Variants in CTNNA3 observed in about 807,000 individuals in gnomAD.
CTNNA3 encodes the protein catenin alpha 3.
Under a neutral mutation model 95.7 loss-of-function variants are expected in CTNNA3, and 76 were observed. That is an observed-to-expected ratio of 0.79 (90% CI 0.66 to 0.96). CTNNA3 has a LOEUF of 0.96. CTNNA3 is among the 40% of genes least tolerant of loss of function. The probability of loss-of-function intolerance (pLI) is 0.00; values close to 1 mark genes in which losing one functional copy is unlikely to be tolerated. For missense variants in CTNNA3, 1,191 were observed against 1,089.8 expected (o/e 1.09, Z -1.31); for synonymous variants, 431 against 374.4 (o/e 1.15, Z -1.74).
At chr10:66,516,281 AAT>A (rs1490042970) in intron 11 of CTNNA3, among the ~76,000 whole-genome samples, 1 of 152,178 alleles carries the variant, frequency 6.6e-6, no homozygotes, top group African/African-American at 2.4e-5. Context: ...TGGCTAAACT[AAT>A]ATAAGATAAG....
intron 5 of CTNNA3, among the ~76,000 whole-genome samples, chr10:67,328,266 G>T (rs1841632160): frequency 6.6e-6 from 1 of 152,172 alleles, no homozygotes; most frequent in African/African-American, 2.4e-5. Context: ...GGCACAATCT[G>T]CCAGTGCAGA....
chr10:66,194,883 G>A, intron 13 of CTNNA3, among the ~76,000 whole-genome samples: 1 of 152,082 alleles, frequency 6.6e-6, no homozygotes, highest in East Asian at 1.9e-4. Flanking sequence ...CACCACAAAG[G>A]TGAAGAGAAT....
rs867243614 is a variant in CTNNA3 at position 67,365,974 on chromosome 10, C to T, written c.580-146104G>A. ...CACAATAGCAAAGACTTGGACCCAA[C>T]CCAAATGTCCAACAATGATAGACTG... On this transcript the variant is annotated intron_variant, in intron 5 of 17. Transcript: ENST00000433211. Among the ~76,000 whole-genome samples the T allele has an allele frequency of 3.3e-5, 5 of 152,198 alleles. No individual in the cohort carries two copies. In the South Asian group the frequency reaches 1.0e-3, roughly 32 times the overall value.
chr10:65,989,455 C>CA (rs1304032034), intron 15 of CTNNA3, among the ~76,000 whole-genome samples: 14 of 152,184 alleles, frequency 9.2e-5, no homozygotes, highest in Admixed American at 3.3e-4. Context: ...AGGTATTTTC[C>CA]TGATTTTAGA....
At chr10:65,963,697 CT>C (rs1346608247) in intron 17 of CTNNA3, among the ~76,000 whole-genome samples, 3 of 152,100 alleles carry the variant, frequency 2.0e-5, no homozygotes, top group African/African-American at 7.2e-5. Context: ...ACTACTATGC[CT>C]TGCACAGTGA....
intron 13 of CTNNA3, among the ~76,000 whole-genome samples, chr10:66,279,362 A>C (rs2091455089): frequency 1.3e-5 from 2 of 152,024 alleles, no homozygotes; most frequent in Admixed American, 1.3e-4. Context: ...TAAAAATTGA[A>C]TTCTATTCAT....
intron 7 of CTNNA3, chr10:67,097,862 T>G (rs1858106217): frequency 2.4e-5 from 34 of 1,398,848 alleles, no homozygotes; most frequent in Middle Eastern, 3.7e-4. Flanking sequence ...ATGAGGAAGA[T>G]GTGTTCATTG....
chr10:66,772,239 C>T (rs1804168099), intron 8 of CTNNA3, among the ~76,000 whole-genome samples: 2 of 151,978 alleles, frequency 1.3e-5, no homozygotes, highest in African/African-American at 4.8e-5. Context: ...GCCTGGCCAA[C>T]ATGGTGAAAC....
intron 11 of CTNNA3, among the ~76,000 whole-genome samples, chr10:66,427,504 C>T (rs1490144102): frequency 6.6e-6 from 1 of 151,970 alleles, no homozygotes; most frequent in Non-Finnish European, 1.5e-5. Flanking sequence ...AGTGATTAGA[C>T]AAATGAATTT....
At chr10:66,219,702 C>G (rs988066720) in intron 13 of CTNNA3, among the ~76,000 whole-genome samples, 6 of 152,016 alleles carry the variant, frequency 3.9e-5, no homozygotes, top group South Asian at 2.1e-4. Flanking sequence ...TAAAATCATT[C>G]AGCTAAGCCA....
chr10:67,102,954 G>A (rs1670576760), intron 7 of CTNNA3, among the ~76,000 whole-genome samples: 1 of 151,682 alleles, frequency 6.6e-6, no homozygotes, highest in East Asian at 1.9e-4. Flanking sequence ...AAGACAACAT[G>A]GATGGATAAA....
chr10:67,315,381 C>T (rs1564560033), intron 5 of CTNNA3, among the ~76,000 whole-genome samples: 1 of 152,090 alleles, frequency 6.6e-6, no homozygotes, highest in Non-Finnish European at 1.5e-5. Flanking sequence ...TTAATCTATC[C>T]ACTGAAGAAC....
chr10:67,589,658 T>C (rs1003847446), intron 3 of CTNNA3, among the ~76,000 whole-genome samples: 3 of 152,100 alleles, frequency 2.0e-5, no homozygotes, highest in African/African-American at 7.2e-5. Context: ...AAAGCATTAA[T>C]GAAAAAACAA....
intron 7 of CTNNA3, among the ~76,000 whole-genome samples, chr10:66,824,046 C>CTTTTTTTTTTTTTTT (rs57827121): frequency 6.8e-6 from 1 of 147,408 alleles, no homozygotes; most frequent in Non-Finnish European, 1.5e-5. Flanking sequence ...ATGCCATACT[C>CTTTTTTTTTTTTTTT]TTTTTTTTTT....
At chr10:67,498,891 T>C (rs1839133749) in intron 5 of CTNNA3, among the ~76,000 whole-genome samples, 1 of 152,232 alleles carries the variant, frequency 6.6e-6, no homozygotes, top group Non-Finnish European at 1.5e-5. Flanking sequence ...CAGAGACAAT[T>C]TGACTTCCTC....
intron 7 of CTNNA3, among the ~76,000 whole-genome samples, chr10:67,105,551 A>G (rs551356994): frequency 6.6e-6 from 1 of 152,190 alleles, no homozygotes; most frequent in African/African-American, 2.4e-5. Context: ...TACATCAATG[A>G]TATATTTGCT....
intron 2 of CTNNA3, among the ~76,000 whole-genome samples, chr10:67,619,776 A>G (rs72806685): frequency 0.024 from 3,702 of 152,252 alleles, 83 homozygotes; most frequent in Non-Finnish European, 0.039. Context: ...AAGCCGAGGA[A>G]TTTTTATTCC....
At chr10:67,370,714 A>G (rs1425186675) in intron 5 of CTNNA3, among the ~76,000 whole-genome samples, 1 of 152,150 alleles carries the variant, frequency 6.6e-6, no homozygotes, top group African/African-American at 2.4e-5. Flanking sequence ...GACATATGAC[A>G]TATTTTCTGT....
chr10:66,510,649 AAT>A (rs1173825278), intron 11 of CTNNA3, among the ~76,000 whole-genome samples: 3 of 151,842 alleles, frequency 2.0e-5, no homozygotes, highest in East Asian at 1.9e-4. Context: ...CTATTGAGAT[AAT>A]ATGTTTTTAA....
Sources: gnomAD v4.1 joint callset for allele counts (sites outside exome capture counted in the v4.1 genomes callset) on GRCh38, gnomAD v4.1.1 for gene constraint, MANE v1.5 for transcripts, NCBI Gene and HGNC (gene_info 2026-07-23, HGNC 2026-07-21) for gene names.